The following LAMC2 variants were observed in gnomAD, a reference collection of about 807,000 sequenced individuals.
LAMC2 encodes the protein laminin subunit gamma-2.
A neutral mutation model predicts 140.2 loss-of-function variants in LAMC2; 97 were observed. That is an observed-to-expected ratio of 0.69 (90% CI 0.59 to 0.82). The LOEUF (loss-of-function observed/expected upper bound fraction) is 0.82, where lower values mean the gene tolerates loss of function less well. Among genes scored for constraint, LAMC2 ranks in the 40% least tolerant of loss-of-function variants. LAMC2 has a pLI of 0.00. For synonymous variants in LAMC2, 513 were observed against 540.2 expected, an observed-to-expected ratio of 0.95 and a Z score of 0.70; for missense variants, 1,402 against 1,476.1, an observed-to-expected ratio of 0.95 and a Z score of 0.82.
Position 183,208,002 on chromosome 1 carries a change from G to A in LAMC2, c.201G>A (p.Lys67=). The A allele has an allele frequency of 6.2e-7, 1 of 1,614,164 alleles. No homozygotes were observed. Among genetic ancestry groups the A allele is most frequent in the East Asian group, 2.2e-5 (1 of 44,874 alleles). ...NDNTDGIHCE[K]CKNGFYRHRE... ...ACACTGATGGCATTCACTGCGAGAAGTGCAAGAATGGCTTTTACCGGCACA... is the reference window on the plus strand; with the variant it reads ...ACACTGATGGCATTCACTGCGAGAAATGCAAGAATGGCTTTTACCGGCACA... Residue 67 remains lysine, a synonymous_variant, in exon 2 of 23, where the codon AAG becomes AAA. Transcript: ENST00000264144.
At position 183,188,019 on chromosome 1, in the gene LAMC2, A is replaced by G. The variant is rs58674562; in HGVS notation, c.79+1588A>G. Among the ~76,000 whole-genome samples the G allele has an allele frequency of 7.0e-3, 1,065 of 152,336 alleles. 5 individuals carry two copies. The highest frequency in any genetic ancestry group is 0.021 in the African/African-American group (887 of 41,566). ...GTGTTAGCATTAGGGAACAAAAATAAATATATAGGATGCTATCAATGCTAT... is the reference window on the plus strand; with the variant it reads ...GTGTTAGCATTAGGGAACAAAAATAGATATATAGGATGCTATCAATGCTAT... On this transcript the variant is annotated intron_variant, in intron 1 of 22. Coordinates refer to ENST00000264144, the MANE Select transcript of LAMC2 (RefSeq NM_005562.3).
At chr1:183,221,443 C>G (rs886919844) in intron 5 of LAMC2, among the ~76,000 whole-genome samples, 5 of 152,140 alleles carry the variant, frequency 3.3e-5, no homozygotes, top group Non-Finnish European at 5.9e-5. Context: ...AAAGACTGGA[C>G]CCGGGCCAAG....
At chr1:183,251,472 C>A in the LAMC2 span, 1 of 152,312 alleles carries the variant, frequency 6.6e-6, no homozygotes, top group Admixed American at 6.5e-5. Context: ...TAGCAAAGAC[C>A]TCCAGGGTTG....
chr1:183,218,398 A>G lies in LAMC2; in HGVS notation c.413A>G (p.Lys138Arg), dbSNP rs1659346376. The part of the protein sequence containing the change: ...CTQDQRLLDS[K>R]CDCDPAGIAG... ...TTTTTCTTCTTCCCCAGAGACTCCA[A>G]GTGTGACTGTGACCCAGCTGGCATC... Residue 138 changes from lysine to arginine, a missense_variant, in exon 4 of 23, where the codon AAG becomes AGG. Around this residue, in one of 3 missense-constraint regions of LAMC2, gnomAD observed 723 missense variants for 783.3 expected, o/e 0.92. Coordinates refer to ENST00000264144, the MANE Select transcript of LAMC2 (RefSeq NM_005562.3). The G allele has an allele frequency of 6.2e-7, 1 of 1,613,828 alleles. No individual in the cohort carries two copies. The highest frequency in any genetic ancestry group is 1.7e-5 in the Admixed American group (1 of 60,002).
At chr1:183,245,439 A>G (rs1054464873), downstream of LAMC2, among the ~76,000 whole-genome samples, 9 of 152,120 alleles carry the variant, frequency 5.9e-5, no homozygotes, top group African/African-American at 9.7e-5. Flanking sequence ...ATAATTAACG[A>G]CCAGTGCCCA....
At chr1:183,223,391 A>G in intron 7 of LAMC2, 67 bp downstream of exon 7, 1 of 1,431,800 alleles carries the variant, frequency 7.0e-7, no homozygotes, top group Non-Finnish European at 9.8e-7. Flanking sequence ...TTTGTTCTTT[A>G]TTCATTCAAT....
In LAMC2 at chr1:183,239,341, G is replaced by A. The variant is rs745588269; in HGVS notation, c.2870-23G>A. The A allele has an allele frequency of 8.1e-6, 13 of 1,612,652 alleles. No individual in the cohort carries two copies. The East Asian group carries it at 1.1e-4, about 14-fold the overall frequency. On this transcript the variant is annotated intron_variant, in intron 19 of 22. Transcript: ENST00000264144. ...TAAATTTGCTTTCATCTTCACGGCA[G>A]TTTTTTCTTTTCTTCATTTCAGAGT... is the stretch of plus-strand genomic sequence containing the variant.
At chr1:183,222,525 A>T (rs992747340) in intron 6 of LAMC2, among the ~76,000 whole-genome samples, 3 of 152,128 alleles carry the variant, frequency 2.0e-5, no homozygotes, top group African/African-American at 7.2e-5. Flanking sequence ...CTATGGGTCT[A>T]TTGAGAAGTA....
intron 14 of LAMC2, among the ~76,000 whole-genome samples, chr1:183,233,803 G>GTA (rs1252369332): frequency 6.7e-6 from 1 of 148,852 alleles, no homozygotes; most frequent in Non-Finnish European, 1.5e-5. Flanking sequence ...ATTTTTTTAT[G>GTA]TATATATATT....
rs750411429 is a variant in LAMC2 at position 183,228,639 on chromosome 1, A to C, written c.1714+20A>C. ...GTCGAGGTAGGACTCCACCCCAGGC[A>C]GGCTGTGTCTGTGCGTGCCTGTGTA... On this transcript the variant is annotated intron_variant, in intron 11 of 22. Transcript: ENST00000264144. This position sits in a 1 kb window ranked among gnomAD's most constrained non-coding sequence, Gnocchi z 4.3. 1 of 1,613,590 alleles carries C rather than the reference A, an allele frequency of 6.2e-7. No homozygotes were observed. Among genetic ancestry groups the C allele is most frequent in the Non-Finnish European group, 8.5e-7 (1 of 1,180,030 alleles).
intron 1 of LAMC2, among the ~76,000 whole-genome samples, chr1:183,187,008 T>C (rs180999542): frequency 3.9e-5 from 6 of 152,372 alleles, no homozygotes; most frequent in Admixed American, 3.9e-4. Flanking sequence ...CATTTGATCT[T>C]ATCTAGGGCA....
At chr1:183,218,026 A>G (rs1184618516) in intron 3 of LAMC2, among the ~76,000 whole-genome samples, 2 of 152,264 alleles carry the variant, frequency 1.3e-5, no homozygotes, top group African/African-American at 4.8e-5. Flanking sequence ...ATTAAACAAT[A>G]GGGAAACAAA....
At chr1:183,189,394 A>G (rs1658253179) in intron 1 of LAMC2, among the ~76,000 whole-genome samples, 1 of 152,172 alleles carries the variant, frequency 6.6e-6, no homozygotes, top group South Asian at 2.1e-4. Context: ...GTTCGAGACC[A>G]GCCTGGGCAA....
At position 183,240,349 on chromosome 1, in the gene LAMC2, C is replaced by T; in HGVS notation, c.3286C>T (p.Gln1096Ter). 6.2e-7 allele frequency: 1 copy of T among 1,614,162 alleles called. No individual in the cohort carries two copies. The highest frequency in any genetic ancestry group is 8.5e-7 in the Non-Finnish European group (1 of 1,180,028). ...TRAKNAGVTI[Q>*]DTLNTLDGLL... ...AGCCAAGAACGCTGGGGTTACAATC[C>T]AAGACACACTCAACACATTAGACGG... is the stretch of plus-strand genomic sequence containing the variant. Residue 1096 changes from glutamine to a stop codon, truncating the protein, a stop_gained, in exon 22 of 23, where the codon CAA (glutamine) becomes TAA (stop). Transcript: ENST00000264144. LOFTEE classifies it high-confidence loss of function.
rs781458974 is a variant in LAMC2, at chr1:183,220,829, C to T, written c.508C>T (p.Arg170Ter). ...AVTGERCDRC[R>*]SGYYNLDGGN... Reference sequence around the variant, plus strand: ...ATTTCTACAATGCCACTGCAGGTGTCGATCAGGTTACTATAATCTGGATGG... The same window carrying T: ...ATTTCTACAATGCCACTGCAGGTGTTGATCAGGTTACTATAATCTGGATGG... The change falls in exon 5 of 23, where the codon CGA becomes TGA. Residue 170 changes from arginine (R) to a stop codon, truncating the protein, a stop_gained. Coordinates refer to ENST00000264144, the MANE Select transcript of LAMC2 (RefSeq NM_005562.3). LOFTEE classifies it high-confidence loss of function. 4 of 1,613,786 alleles carry T rather than the reference C, an allele frequency of 2.5e-6. No individual in the cohort carries two copies. Among genetic ancestry groups the T allele is most frequent in the Non-Finnish European group, 2.5e-6 (3 of 1,179,696 alleles).
the LAMC2 span, chr1:183,252,734 C>T: frequency 6.2e-7 from 1 of 1,613,548 alleles, no homozygotes; most frequent in Non-Finnish European, 8.5e-7. Flanking sequence ...CCCCATGCTG[C>T]AGGGCCAGCC....
At position 183,208,491 on chromosome 1, in the gene LAMC2, G is replaced by A. The variant is rs73049735; in HGVS notation, c.268+422G>A. 7.2e-3 allele frequency among the ~76,000 whole-genome samples: 1,092 copies of A among 152,224 alleles called. 8 individuals are homozygous for A. The highest frequency in any genetic ancestry group is 0.022 in the African/African-American group (904 of 41,528). ...TTTGACCAACCTCTTGAAAAATAAG[G>A]AATTAGAAAGATCTGTTTCTAGTGC... is the stretch of plus-strand genomic sequence containing the variant. On this transcript the variant is annotated intron_variant, in intron 2 of 22. Coordinates refer to ENST00000264144, the MANE Select transcript of LAMC2 (RefSeq NM_005562.3).
rs769638253 is a variant in LAMC2 at position 183,208,074 on chromosome 1, C to A, written c.268+5C>A. 11 of 1,612,292 alleles carry A rather than the reference C, an allele frequency of 6.8e-6. No individual in the cohort carries two copies. The African/African-American group carries it at 1.5e-4, about 22-fold the overall frequency. On this transcript the variant is annotated splice_donor_5th_base_variant and intron_variant, in intron 2 of 22. Coordinates refer to ENST00000264144, the MANE Select transcript of LAMC2 (RefSeq NM_005562.3). ...CCTGCAATTGTAACTCCAAAGGTAGCTGAAAAGGACGGAAAGAGGGAGAGG... is the reference window on the plus strand; with the variant it reads ...CCTGCAATTGTAACTCCAAAGGTAGATGAAAAGGACGGAAAGAGGGAGAGG...
chr1:183,205,442 T>C (rs1016378671), intron 1 of LAMC2, among the ~76,000 whole-genome samples: 2 of 152,248 alleles, frequency 1.3e-5, no homozygotes, highest in Admixed American at 6.5e-5. Context: ...AAATGTAATA[T>C]GCTGTAAGTT....
Sources: allele counts gnomAD v4.1 joint callset (sites outside exome capture counted in the v4.1 genomes callset), GRCh38; gene constraint gnomAD v4.1.1; regional missense constraint gnomAD v4.1.1; non-coding constraint Gnocchi (gnomAD v3.1); transcripts MANE v1.5; gene names NCBI Gene and HGNC (gene_info 2026-07-23, HGNC 2026-07-21).